ERC2: variants seen among roughly 807,000 people sequenced by gnomAD.
The protein encoded by ERC2 is ELKS/RAB6-interacting/CAST family member 2.
Under a neutral mutation model 114.8 loss-of-function variants are expected in ERC2, and 42 were observed. The observed-to-expected ratio is 0.37, with a 90% CI of 0.29 to 0.47. ERC2 has a LOEUF of 0.47. Among genes scored for constraint, ERC2 ranks in the 20% least tolerant of loss-of-function variants. The pLI is 0.99. For synonymous variants in ERC2, 454 were observed against 425.5 expected (o/e 1.07, Z -0.82); for missense variants, 939 against 1,150.7 (o/e 0.82, Z 2.66).
intron 1 of ERC2, among the ~76,000 whole-genome samples, chr3:56,466,402 T>C (rs1396468345): frequency 6.6e-6 from 1 of 152,206 alleles, no homozygotes. Flanking sequence ...AGTAGTGAGT[T>C]GAGATGGATC....
chr3:55,699,635 T>C (rs1193719264), intron 15 of ERC2, 123 bp from the exon 16 acceptor site: 6 of 1,106,056 alleles, frequency 5.4e-6, no homozygotes, highest in Non-Finnish European at 7.4e-6. Context: ...TTTTCACTGT[T>C]AGTCAAGTTG....
intron 6 of ERC2, among the ~76,000 whole-genome samples, chr3:56,113,139 A>G (rs1181234918): frequency 6.6e-6 from 1 of 152,208 alleles, no homozygotes; most frequent in Non-Finnish European, 1.5e-5. Flanking sequence ...TAGCAGTGCT[A>G]ATTTATAAGA....
Position 55,543,375 on chromosome 3 carries a change from A to G in ERC2, c.*40-32099T>C, listed in dbSNP as rs192856880. 3.1e-3 allele frequency among the ~76,000 whole-genome samples: 474 copies of G among 152,336 alleles called. 3 individuals are homozygous for G. The highest frequency in any genetic ancestry group is 0.01 in the Middle Eastern group (3 of 294). On this transcript the variant is annotated intron_variant, in intron 17 of 17. Transcript: ENST00000288221. ...ATGGAAATGTTTCGGCCGGACATCA[A>G]GAAAAACATCCCGATGAAAAAGGAA...
At chr3:56,395,186 A>G (rs1010656845) in intron 2 of ERC2, among the ~76,000 whole-genome samples, 19 of 152,170 alleles carry the variant, frequency 1.2e-4, no homozygotes, top group Non-Finnish European at 1.8e-4. Context: ...AGGTGATAAT[A>G]TGTCTCAAAC....
intron 7 of ERC2, among the ~76,000 whole-genome samples, chr3:56,062,867 A>G (rs184408708): frequency 7.9e-5 from 12 of 152,132 alleles, no homozygotes; most frequent in African/African-American, 2.9e-4. Context: ...TTACCTTCTC[A>G]ACAGACGGAG....
At chr3:55,891,437 ATTTTTTTTT>A (rs869073962) in intron 13 of ERC2, among the ~76,000 whole-genome samples, 3,021 of 86,814 alleles carry the variant, frequency 0.035, 45 homozygotes, top group Non-Finnish European at 0.054. Context: ...GTCTGGTTCT[ATTTTTTTTT>A]TTTTTTTTTT....
intron 6 of ERC2, among the ~76,000 whole-genome samples, chr3:56,085,680 T>C (rs761949540): frequency 7.2e-5 from 11 of 152,184 alleles, no homozygotes; most frequent in Admixed American, 1.3e-4. Flanking sequence ...TCATTATATC[T>C]GGTGAAAAAA....
chr3:55,954,492 A>G (rs2067809616), intron 12 of ERC2, among the ~76,000 whole-genome samples: 1 of 152,212 alleles, frequency 6.6e-6, no homozygotes, highest in Non-Finnish European at 1.5e-5. Flanking sequence ...AGACTCTGAG[A>G]CCTCTAGAAT....
rs145667235 is a variant in ERC2, at chr3:56,430,743, C to T, written c.657+3608G>A. On this transcript the variant is annotated intron_variant, in intron 2 of 17. Coordinates refer to ENST00000288221, the MANE Select transcript of ERC2 (RefSeq NM_015576.3). ...GGTCAAGGCTGCAGTGAGCCAGTAT[C>T]GCACCACTGCACTCCAGCCTAGGTG... Among the ~76,000 whole-genome samples the T allele has an allele frequency of 3.1e-3, 467 of 152,250 alleles. 6 individuals are homozygous for T. In the East Asian group the frequency reaches 0.068, roughly 22 times the overall value.
intron 2 of ERC2, among the ~76,000 whole-genome samples, chr3:56,361,689 C>G (rs2058963597): frequency 6.6e-6 from 1 of 152,238 alleles, no homozygotes; most frequent in South Asian, 2.1e-4. Flanking sequence ...GAAGGGCCAT[C>G]AGGCACCATC....
chr3:56,085,514 G>T (rs1020468936), intron 6 of ERC2, among the ~76,000 whole-genome samples: 1 of 152,186 alleles, frequency 6.6e-6, no homozygotes, highest in Admixed American at 6.5e-5. Context: ...GGATACTCAC[G>T]TCCTGGGGAT....
intron 6 of ERC2, among the ~76,000 whole-genome samples, chr3:56,086,179 C>T (rs1193410716): frequency 2.0e-5 from 3 of 152,092 alleles, no homozygotes; most frequent in East Asian, 1.9e-4. Context: ...AGCACCTTCT[C>T]GCCATGTGTG....
intron 2 of ERC2, among the ~76,000 whole-genome samples, chr3:56,346,734 C>T (rs1045354776): frequency 6.6e-6 from 1 of 152,168 alleles, no homozygotes; most frequent in Non-Finnish European, 1.5e-5. Context: ...CAGAACACCA[C>T]AGAATGGGTA....
intron 14 of ERC2, among the ~76,000 whole-genome samples, chr3:55,838,779 C>T (rs2149210220): frequency 6.6e-6 from 1 of 151,854 alleles, no homozygotes; most frequent in Middle Eastern, 3.4e-3. Context: ...CATTAGAAAC[C>T]CTCAGACATA....
At chr3:56,262,081 A>C (rs181491500) in intron 3 of ERC2, among the ~76,000 whole-genome samples, 2 of 152,286 alleles carry the variant, frequency 1.3e-5, no homozygotes, top group Admixed American at 1.3e-4. Context: ...TCCATGGTGT[A>C]TATGCACCAC....
At chr3:56,167,748 A>G (rs1185519681) in intron 4 of ERC2, among the ~76,000 whole-genome samples, 6 of 152,180 alleles carry the variant, frequency 3.9e-5, no homozygotes, top group Non-Finnish European at 5.9e-5. Context: ...TACAAGTTTG[A>G]ACAAGTTATC....
chr3:56,002,211 A>G (rs1322923067), intron 10 of ERC2, among the ~76,000 whole-genome samples: 1 of 152,158 alleles, frequency 6.6e-6, no homozygotes, highest in Non-Finnish European at 1.5e-5. Context: ...GCAGTGGCTT[A>G]ACAAATAAAA....
At chr3:56,353,752 T>C (rs981004793) in intron 2 of ERC2, among the ~76,000 whole-genome samples, 31 of 151,616 alleles carry the variant, frequency 2.0e-4, no homozygotes, top group Admixed American at 2.0e-3. Context: ...CATGTATACA[T>C]ATGTAACAAA....
At position 55,915,030 on chromosome 3, in the gene ERC2, G is replaced by A. The variant is rs187854253; in HGVS notation, c.2404-26481C>T. Among the ~76,000 whole-genome samples, 15 of 152,080 alleles carry A rather than the reference G, an allele frequency of 9.9e-5. 1 individual carries two copies. The highest frequency in any genetic ancestry group is 3.4e-4 in the African/African-American group (14 of 41,476). On this transcript the variant is annotated intron_variant, in intron 13 of 17. Transcript: ENST00000288221. ...AGTCTTTTATAAAATCTATGCCGTCGTCGCATATTTCATACACACTTTTTA... is the reference window on the plus strand; with the variant it reads ...AGTCTTTTATAAAATCTATGCCGTCATCGCATATTTCATACACACTTTTTA...
Sources: gnomAD v4.1 joint callset for allele counts (sites outside exome capture counted in the v4.1 genomes callset) on GRCh38, gnomAD v4.1.1 for gene constraint, MANE v1.5 for transcripts, NCBI Gene and HGNC (gene_info 2026-07-23, HGNC 2026-07-21) for gene names.